Variants in ANKS1B observed in about 807,000 individuals in gnomAD.
ANKS1B encodes ankyrin repeat and sterile alpha motif domain-containing protein 1B.
Under a neutral mutation model 148.3 loss-of-function variants are expected in ANKS1B, and 36 were observed. The observed-to-expected ratio is 0.24, with a 90% CI of 0.19 to 0.32. ANKS1B has a LOEUF of 0.32. ANKS1B is among the 10% of genes least tolerant of loss of function. The probability of loss-of-function intolerance (pLI) is 1.00; values close to 1 mark genes in which losing one functional copy is unlikely to be tolerated. For missense variants in ANKS1B, 1,157 were observed against 1,542.6 expected (o/e 0.75, Z 4.19); for synonymous variants, 542 against 560.8 (o/e 0.97, Z 0.47).
At chr12:99,584,001 T>C (rs1027215410) in intron 9 of ANKS1B, among the ~76,000 whole-genome samples, 1 of 152,256 alleles carries the variant, frequency 6.6e-6, no homozygotes, top group Non-Finnish European at 1.5e-5. Context: ...AAGTGTATCA[T>C]TCTGCTCTTA....
At chr12:99,205,119 C>G (rs1433827482) in intron 14 of ANKS1B, among the ~76,000 whole-genome samples, 2 of 152,134 alleles carry the variant, frequency 1.3e-5, no homozygotes, top group East Asian at 3.9e-4. Context: ...TCCACATCAC[C>G]AAGCAAAATC....
chr12:99,294,513 G>T (rs1338438892), intron 12 of ANKS1B, among the ~76,000 whole-genome samples: 5 of 152,138 alleles, frequency 3.3e-5, no homozygotes, highest in Non-Finnish European at 7.4e-5. Flanking sequence ...TAGAATGATG[G>T]TTACCAGAGG....
At chr12:99,772,417 T>C (rs2063278238) in intron 8 of ANKS1B, among the ~76,000 whole-genome samples, 1 of 152,190 alleles carries the variant, frequency 6.6e-6, no homozygotes, top group Non-Finnish European at 1.5e-5. Flanking sequence ...CTTAAGATTC[T>C]GAGCTTATCA....
chr12:99,452,078 A>G (rs2152823306), intron 10 of ANKS1B, among the ~76,000 whole-genome samples: 1 of 152,240 alleles, frequency 6.6e-6, no homozygotes, highest in African/African-American at 2.4e-5. Flanking sequence ...TTTTTTCTGT[A>G]AAGGGCCAGA....
At chr12:99,521,956 C>T (rs1041797003) in intron 9 of ANKS1B, among the ~76,000 whole-genome samples, 16 of 152,222 alleles carry the variant, frequency 1.1e-4, no homozygotes, top group Non-Finnish European at 2.9e-5. Context: ...GGTCTGTGTC[C>T]TTCCCTTTAG....
At chr12:99,480,660 A>T (rs2096396254) in intron 10 of ANKS1B, among the ~76,000 whole-genome samples, 1 of 151,886 alleles carries the variant, frequency 6.6e-6, no homozygotes, top group Admixed American at 6.6e-5. Flanking sequence ...GCTAATGAAA[A>T]ATATCTGCAA....
At position 99,723,443 on chromosome 12, in the gene ANKS1B, C is replaced by T. The variant is rs530247066; in HGVS notation, c.1128+49479G>A. 3.4e-4 allele frequency among the ~76,000 whole-genome samples: 51 copies of T among 152,236 alleles called. 1 individual carries two copies. The highest frequency in any genetic ancestry group is 1.2e-3 in the African/African-American group (51 of 41,568). ...TCCCTCCTCACTGGGAGGGGCCTCC[C>T]TGCAGGAACTCCAACTCCAGGCAGG... On this transcript the variant is annotated intron_variant, in intron 8 of 26. Transcript: ENST00000683438.
At chr12:98,856,368 G>C (rs2153792849) in intron 17 of ANKS1B, among the ~76,000 whole-genome samples, 1 of 152,208 alleles carries the variant, frequency 6.6e-6, no homozygotes, top group East Asian at 1.9e-4. Context: ...GGCAGACCTA[G>C]GTTTGAATCC....
At chr12:98,977,021 C>T (rs1474420494) in intron 17 of ANKS1B, among the ~76,000 whole-genome samples, 3 of 152,182 alleles carry the variant, frequency 2.0e-5, no homozygotes, top group African/African-American at 7.2e-5. Flanking sequence ...AATATCGACA[C>T]TTCTCAATCA....
chr12:99,220,819 T>C (rs1050170804), intron 14 of ANKS1B, among the ~76,000 whole-genome samples: 1 of 152,150 alleles, frequency 6.6e-6, no homozygotes, highest in Non-Finnish European at 1.5e-5. Flanking sequence ...AACAATTAAA[T>C]AGTCATCTAG....
intron 10 of ANKS1B, among the ~76,000 whole-genome samples, chr12:99,465,957 C>T (rs1451187481): frequency 6.6e-6 from 1 of 152,198 alleles, no homozygotes; most frequent in Non-Finnish European, 1.5e-5. Context: ...TAGACATCTA[C>T]AGAACTCTCC....
chr12:99,251,975 AGAT>A lies in ANKS1B; in HGVS notation c.1757-5114_1757-5112del, dbSNP rs149064954. 9.2e-3 allele frequency among the ~76,000 whole-genome samples: 1,400 copies of A among 152,324 alleles called. 19 individuals carry two copies. Among genetic ancestry groups the A allele is most frequent in the African/African-American group, 0.032 (1,318 of 41,564 alleles). ...CATGGTGCCTACATTCCAGCAGAAA[AGAT>A]GACTACAGGCAAATCAAGAAATGCT... is the stretch of plus-strand genomic sequence containing the variant. On this transcript the variant is annotated intron_variant, in intron 12 of 26. Coordinates refer to ENST00000683438, the MANE Select transcript of ANKS1B (RefSeq NM_001352186.2).
In ANKS1B at chr12:99,198,648, A is replaced by C. The variant is rs938993053; in HGVS notation, c.2420-44253T>G. On this transcript the variant is annotated intron_variant, in intron 14 of 26. Transcript: ENST00000683438. ...CTTTCTTGATGTGACAAGGCTTTAG[A>C]TTGAATTCTAAAGATCAATGAACTT... 2.6e-5 allele frequency among the ~76,000 whole-genome samples: 4 copies of C among 152,192 alleles called. No individual in the cohort carries two copies. The South Asian group carries it at 8.3e-4, about 31-fold the overall frequency.
intron 17 of ANKS1B, among the ~76,000 whole-genome samples, chr12:98,940,589 A>AGTGGATG (rs1295895493): frequency 6.6e-6 from 1 of 152,092 alleles, no homozygotes; most frequent in East Asian, 1.9e-4. Context: ...TACTTGTGTA[A>AGTGGATG]ATATTTATTA....
intron 22 of ANKS1B, among the ~76,000 whole-genome samples, chr12:98,790,223 G>C (rs1303731126): frequency 6.6e-6 from 1 of 152,144 alleles, no homozygotes; most frequent in African/African-American, 2.4e-5. Flanking sequence ...CTTATGAAGG[G>C]ACCCACTGAG....
At chr12:99,035,228 A>G (rs1458950596) in intron 17 of ANKS1B, among the ~76,000 whole-genome samples, 1 of 152,148 alleles carries the variant, frequency 6.6e-6, no homozygotes, top group Non-Finnish European at 1.5e-5. Flanking sequence ...CATAAAATCT[A>G]AAAATATTAC....
intron 8 of ANKS1B, among the ~76,000 whole-genome samples, chr12:99,670,646 G>A (rs1457845352): frequency 6.6e-6 from 1 of 152,060 alleles, no homozygotes; most frequent in Non-Finnish European, 1.5e-5. Flanking sequence ...AGTAAAACTA[G>A]ACCAAAATTA....
intron 14 of ANKS1B, among the ~76,000 whole-genome samples, chr12:99,189,515 C>T (rs1160231910): frequency 1.3e-5 from 2 of 152,118 alleles, no homozygotes; most frequent in African/African-American, 2.4e-5. Flanking sequence ...TGGCTTCATC[C>T]CTGGGATGCA....
At chr12:99,947,255 CAAA>C (rs58317609) in intron 1 of ANKS1B, among the ~76,000 whole-genome samples, 27 of 129,060 alleles carry the variant, frequency 2.1e-4, no homozygotes, top group Middle Eastern at 3.9e-3. Context: ...TAAAGTAATA[CAAA>C]AAAAAAAAAA....
Sources: allele counts gnomAD v4.1 joint callset (sites outside exome capture counted in the v4.1 genomes callset), GRCh38; gene constraint gnomAD v4.1.1; transcripts MANE v1.5; gene names NCBI Gene and HGNC (gene_info 2026-07-23, HGNC 2026-07-21).